SYNJ1: variants seen among roughly 807,000 people sequenced by gnomAD.
The protein encoded by SYNJ1 is synaptojanin 1, also known as polyphosphatidylinositol phosphatase SYNJ1.
Under a neutral mutation model 168.2 loss-of-function variants are expected in SYNJ1, and 78 were observed. The ratio of observed to expected loss-of-function variants is 0.46; its 90% CI spans 0.39 to 0.56. The LOEUF (loss-of-function observed/expected upper bound fraction) is 0.56, where lower values mean the gene tolerates loss of function less well. Among genes scored for constraint, SYNJ1 ranks in the 20% least tolerant of loss-of-function variants. SYNJ1 has a pLI of 0.00. For missense variants in SYNJ1, 1,303 were observed against 1,597.6 expected (o/e 0.82, Z 3.14); for synonymous variants, 539 against 548.6 (o/e 0.98, Z 0.24).
intron 23 of SYNJ1, among the ~76,000 whole-genome samples, chr21:32,649,880 G>C (rs968036297): frequency 1.3e-5 from 2 of 152,078 alleles, no homozygotes; most frequent in African/African-American, 4.8e-5. Context: ...CTCCTGAGTA[G>C]CTGGGATTAC....
In SYNJ1 at chr21:32,630,593, A is replaced by C. The variant is rs2039280423; in HGVS notation, c.*1212T>G. 5.9e-6 allele frequency: 1 copy of C among 170,838 alleles called. No homozygotes were observed. Among genetic ancestry groups the C allele is most frequent in the African/African-American group, 2.4e-5 (1 of 41,798 alleles). 10.6% of individuals were successfully genotyped at this position (170,838 alleles called of 1,614,324 possible). ...AAACTCTGTTCACTGTAACCTTGGC[A>C]GCTCTTTGGTAAATACTCAAAGATA... is the stretch of plus-strand genomic sequence containing the variant. On this transcript the variant is annotated 3_prime_UTR_variant, in exon 33 of 33. Coordinates refer to ENST00000674351, the MANE Select transcript of SYNJ1 (RefSeq NM_203446.3).
intron 32 of SYNJ1, among the ~76,000 whole-genome samples, chr21:32,632,989 C>T (rs1273732345): frequency 2.6e-5 from 4 of 152,114 alleles, no homozygotes; most frequent in African/African-American, 9.7e-5. Flanking sequence ...CACCGCACTC[C>T]AGCTTGGGCA....
chr21:32,686,719 C>T (rs1365063080), intron 8 of SYNJ1, among the ~76,000 whole-genome samples: 1 of 152,254 alleles, frequency 6.6e-6, no homozygotes, highest in South Asian at 2.1e-4. Flanking sequence ...GGGTATTTTT[C>T]TGTTTCTCTA....
intron 31 of SYNJ1, among the ~76,000 whole-genome samples, chr21:32,636,296 G>C (rs2039562380): frequency 6.6e-6 from 1 of 152,164 alleles, no homozygotes; most frequent in South Asian, 2.1e-4. Context: ...AGATAGATAA[G>C]TGAGGATTTT....
chr21:32,719,868 G>A (rs2043157143), intron 2 of SYNJ1, among the ~76,000 whole-genome samples: 1 of 151,772 alleles, frequency 6.6e-6, no homozygotes, highest in South Asian at 2.1e-4. Context: ...AAAGCTGTTG[G>A]GACACAAATA....
At position 32,631,548 on chromosome 21, in the gene SYNJ1, C is replaced by A. The variant is rs112469776; in HGVS notation, c.*257G>T. 50 of 1,613,940 alleles carry A rather than the reference C, an allele frequency of 3.1e-5. No homozygotes were observed. Among genetic ancestry groups the A allele is most frequent in the Non-Finnish European group, 3.6e-5 (43 of 1,180,018 alleles). On this transcript the variant is annotated 3_prime_UTR_variant, in exon 33 of 33. Coordinates refer to ENST00000674351, the MANE Select transcript of SYNJ1 (RefSeq NM_203446.3). ...AGTAATAAATGGGTTTGGAGAACTT[C>A]GCATATTTTCCTGGGATTGACTCCG...
chr21:32,678,514 C>A, intron 12 of SYNJ1, 131 bp downstream of exon 12: 1 of 1,022,316 alleles, frequency 9.8e-7, no homozygotes, highest in East Asian at 2.9e-5. Context: ...ATGTACTTTT[C>A]AAAAATTACC....
At chr21:32,654,808 TC>T (rs1237450654) in intron 21 of SYNJ1, among the ~76,000 whole-genome samples, 1 of 152,232 alleles carries the variant, frequency 6.6e-6, no homozygotes, top group Admixed American at 6.5e-5. Flanking sequence ...TTTAAATTTA[TC>T]CCATACACAT....
At chr21:32,653,446 A>C (rs1268852175) in intron 21 of SYNJ1, 80 bp from the exon 22 acceptor site, 1 of 1,137,372 alleles carries the variant, frequency 8.8e-7, no homozygotes, top group Non-Finnish European at 1.3e-6. Context: ...ATTATTGATC[A>C]TTAACAAGGG....
chr21:32,721,065 T>C (rs1304600620), intron 2 of SYNJ1, among the ~76,000 whole-genome samples: 1 of 152,220 alleles, frequency 6.6e-6, no homozygotes, highest in East Asian at 1.9e-4. Flanking sequence ...TTTTATCTCT[T>C]AATAAATTGT....
Position 32,656,876 on chromosome 21 carries a change from T to A in SYNJ1, c.2606A>T (p.Asp869Val). 1 of 1,614,124 alleles carries A rather than the reference T, an allele frequency of 6.2e-7. No individual in the cohort carries two copies. Reference protein sequence around the residue: ...HRPVVALIDIDIFEVEAEERQ... With the variant: ...HRPVVALIDIVIFEVEAEERQ... ...CTCTTCAGCTTCAACTTCAAATATA[T>A]CTATATCAATCAGGGCAACGACAGG... is the stretch of plus-strand genomic sequence containing the variant. The change falls in exon 21 of 33, where the codon GAT (aspartate) becomes GTT (valine). Residue 869 changes from aspartate to valine, a missense_variant. By Grantham distance (152) the Asp-to-Val change is radical. This residue lies in a region of SYNJ1 where 920 missense variants were observed against 1,208.8 expected (regional missense o/e 0.76). Coordinates refer to ENST00000674351, the MANE Select transcript of SYNJ1 (RefSeq NM_203446.3).
chr21:32,707,510 T>A (rs527238957), intron 2 of SYNJ1, among the ~76,000 whole-genome samples: 2 of 152,154 alleles, frequency 1.3e-5, no homozygotes, highest in African/African-American at 4.8e-5. Context: ...TAATTTTTAT[T>A]TTTTGTAGAG....
At chr21:32,694,125 G>A (rs2042121103) in intron 6 of SYNJ1, 103 bp downstream of exon 6, 1 of 740,166 alleles carries the variant, frequency 1.4e-6, no homozygotes. Flanking sequence ...TTATTAGATG[G>A]AATAATGGAA....
In SYNJ1 at chr21:32,694,257, G is replaced by C. The variant is rs2042125498; in HGVS notation, c.760C>G (p.Pro254Ala). 5 of 1,566,440 alleles carry C rather than the reference G, an allele frequency of 3.2e-6. No individual in the cohort carries two copies. In the East Asian group the frequency reaches 1.2e-4, roughly 38 times the overall value. Residue 254 changes from proline (P) to alanine (A), a missense_variant, in exon 6 of 33, where the codon CCA becomes GCA. Transcript: ENST00000674351. ...SSFIQIRGSV[P>A]LFWEQPGLQV... ...AACCCTGGTTGCTCCCAGAACAATG[G>C]AACAGATCCTCGGATTTGTATGAAG...
At chr21:32,645,953 T>G (rs770538483) in intron 24 of SYNJ1, 164 bp from the exon 25 acceptor site, 2 of 1,061,080 alleles carry the variant, frequency 1.9e-6, no homozygotes, top group East Asian at 4.7e-5. Context: ...ACTATTAAAC[T>G]GCCCTTTGGT....
At chr21:32,635,351 C>T (rs1025165181) in intron 31 of SYNJ1, among the ~76,000 whole-genome samples, 3 of 152,098 alleles carry the variant, frequency 2.0e-5, no homozygotes, top group African/African-American at 7.2e-5. Context: ...TGAGAAGAGA[C>T]ACCAGAGAGC....
intron 8 of SYNJ1, 148 bp from the exon 9 acceptor site, chr21:32,686,065 A>C (rs2041828430): frequency 1.4e-6 from 1 of 699,492 alleles, no homozygotes; most frequent in East Asian, 3.0e-5. Context: ...GACACAATTA[A>C]CATCAGTGTA....
chr21:32,708,842 G>C (rs1342566169), intron 2 of SYNJ1, among the ~76,000 whole-genome samples: 2 of 151,474 alleles, frequency 1.3e-5, no homozygotes, highest in South Asian at 4.2e-4. Flanking sequence ...CATTTTGCTG[G>C]GTGTGGTGGC....
rs1043506314 is a variant in SYNJ1 at position 32,687,139 on chromosome 21, T to C, written c.852-65A>G. On this transcript the variant is annotated intron_variant, in intron 7 of 32. Coordinates refer to ENST00000674351, the MANE Select transcript of SYNJ1 (RefSeq NM_203446.3). ...GAAGCCCAATTTTTTCAATAAACAA[T>C]AATCCATTATTAAATATAACTTACA... 7 of 795,264 alleles carry C rather than the reference T, an allele frequency of 8.8e-6. No individual in the cohort carries two copies. The East Asian group carries it at 2.2e-4, about 25-fold the overall frequency. 49.3% of individuals were successfully genotyped at this position (795,264 alleles called of 1,614,324 possible). A position where few individuals can be genotyped will look rare whatever the true frequency, so the allele number is the denominator to read the frequency against.
Sources: allele counts gnomAD v4.1 joint callset (sites outside exome capture counted in the v4.1 genomes callset), GRCh38; gene constraint gnomAD v4.1.1; regional missense constraint gnomAD v4.1.1; transcripts MANE v1.5; gene names NCBI Gene and HGNC (gene_info 2026-07-23, HGNC 2026-07-21).